Variants in TNS3 observed in about 807,000 individuals in gnomAD.
TNS3 encodes tensin-3.
TNS3 carries 45 observed loss-of-function variants against 140.9 expected under a neutral mutation model. The ratio of observed to expected loss-of-function variants is 0.32; its 90% CI spans 0.25 to 0.41. TNS3 has a LOEUF of 0.41. Ranked by LOEUF, TNS3 falls within the 10% of genes least tolerant of loss-of-function variation. The probability of loss-of-function intolerance (pLI) is 1.00; values close to 1 mark genes in which losing one functional copy is unlikely to be tolerated. For missense variants in TNS3, 1,716 were observed against 1,906.7 expected, an observed-to-expected ratio of 0.90 and a Z score of 1.86; for synonymous variants, 815 against 788.4, an observed-to-expected ratio of 1.03 and a Z score of -0.56.
At chr7:47,405,077 T>C (rs1230180685) in intron 13 of TNS3, among the ~76,000 whole-genome samples, 3 of 152,122 alleles carry the variant, frequency 2.0e-5, no homozygotes, top group African/African-American at 4.8e-5. Context: ...GATGACTTGC[T>C]TAACTTTAGG....
Position 47,338,318 on chromosome 7 carries a change from G to A in TNS3, c.2650+6437C>T, listed in dbSNP as rs76818253. Among the ~76,000 whole-genome samples, 642 of 152,306 alleles carry A rather than the reference G, an allele frequency of 4.2e-3. 4 individuals are homozygous for A. The highest frequency in any genetic ancestry group is 0.014 in the African/African-American group (602 of 41,578). On this transcript the variant is annotated intron_variant, in intron 20 of 30. Transcript: ENST00000311160. ...CCATTTTAACAATCCCTCCAGCAAC[G>A]TATAAGGGGTCTAGTTTTTCCACAT...
rs6966111 is a variant in TNS3, at chr7:47,579,911, A to T, written c.-265+2140T>A. ...GCAACACCTCCTGCAGTGGAAGAGC[A>T]TACTTTGACACCCCCTCTCCTGCCC... is the stretch of plus-strand genomic sequence containing the variant. On this transcript the variant is annotated intron_variant, in intron 1 of 30. Transcript: ENST00000311160. 5.6e-3 allele frequency: 5,001 copies of T among 896,290 alleles called. 94 individuals are homozygous for T. The African/African-American group carries it at 0.06, about 11-fold the overall frequency. The allele number at this position is 896,290 out of a possible 1,614,324, so 55.5% of individuals were successfully genotyped here. A position where few individuals can be genotyped will look rare whatever the true frequency, so the allele number is the denominator to read the frequency against.
chr7:47,476,691 G>A (rs77224513), intron 4 of TNS3, among the ~76,000 whole-genome samples: 10,782 of 152,132 alleles, frequency 0.071, 419 homozygotes, highest in African/African-American at 0.083. Context: ...AATTTCCCAC[G>A]TCGCACATTT....
At chr7:47,399,080 G>GAAAAAAAAAAA (rs55834937) in intron 15 of TNS3, among the ~76,000 whole-genome samples, 2 of 93,602 alleles carry the variant, frequency 2.1e-5, no homozygotes, top group African/African-American at 5.0e-5. Flanking sequence ...TACGACAGCT[G>GAAAAAAAAAAA]AAAAAAAAAA....
At chr7:47,354,169 A>G (rs907294420) in intron 17 of TNS3, among the ~76,000 whole-genome samples, 4 of 152,046 alleles carry the variant, frequency 2.6e-5, no homozygotes, top group African/African-American at 9.7e-5. Context: ...ATGCCTATAT[A>G]TTTTTCTGTT....
chr7:47,284,426 C>T (rs1265162823), intron 27 of TNS3, among the ~76,000 whole-genome samples: 3 of 152,220 alleles, frequency 2.0e-5, no homozygotes, highest in Non-Finnish European at 2.9e-5. Context: ...TGTGTCCTGG[C>T]TCCCCATGCT....
chr7:47,473,504 T>A (rs1797043706), intron 4 of TNS3, among the ~76,000 whole-genome samples: 1 of 152,146 alleles, frequency 6.6e-6, no homozygotes, highest in South Asian at 2.1e-4. Context: ...CACGTGTAGG[T>A]GATCTTCAGC....
chr7:47,400,887 AGCGGTAT>A lies in TNS3; in HGVS notation c.744_750del (p.Lys248AsnfsTer47). 2 of 1,614,222 alleles carry A rather than the reference AGCGGTAT, an allele frequency of 1.2e-6. No homozygotes were observed. The highest frequency in any genetic ancestry group is 1.7e-5 in the Admixed American group (1 of 60,028). Reference sequence around the variant, plus strand: ...CGGAAAATGACGTCACGGGTGGCCGAGCGGTATTTCTTGTGGTAGCATTTCACCTGGG... The same window carrying A: ...CGGAAAATGACGTCACGGGTGGCCGATTCTTGTGGTAGCATTTCACCTGGG... On this transcript the variant is annotated frameshift_variant, in exon 14 of 31. Transcript: ENST00000311160. LOFTEE classifies it high-confidence loss of function.
At position 47,275,645 on chromosome 7, in the gene TNS3, T is replaced by G. The variant is rs1316967632; in HGVS notation, c.*2431A>C. The G allele has an allele frequency of 1.1e-5, 4 of 374,200 alleles. No homozygotes were observed. The highest frequency in any genetic ancestry group is 8.4e-5 in the African/African-American group (4 of 47,374). The allele number at this position is 374,200 out of a possible 1,614,324, so 23.2% of individuals were successfully genotyped here. A position where few individuals can be genotyped will look rare whatever the true frequency, so the allele number is the denominator to read the frequency against. ...CAGCTTGTTCTGTTTAATGCACATG[T>G]AACACAAAAGGAAGAAAGAAACTTC... On this transcript the variant is annotated 3_prime_UTR_variant, in exon 31 of 31. Transcript: ENST00000311160.
At chr7:47,459,164 T>C (rs923341968) in intron 4 of TNS3, among the ~76,000 whole-genome samples, 2 of 152,214 alleles carry the variant, frequency 1.3e-5, no homozygotes, top group Admixed American at 1.3e-4. Context: ...CCCACTCTTA[T>C]GAATGATGCT....
intron 1 of TNS3, among the ~76,000 whole-genome samples, chr7:47,569,745 T>C (rs1178331205): frequency 2.6e-5 from 4 of 151,524 alleles, no homozygotes; most frequent in African/African-American, 7.3e-5. Context: ...TCCCAGCTAC[T>C]TGGGAGGCTG....
intron 13 of TNS3, among the ~76,000 whole-genome samples, chr7:47,404,653 G>A (rs13225337): frequency 0.4 from 60,825 of 151,780 alleles, 13,811 homozygotes; most frequent in Middle Eastern, 0.54. Flanking sequence ...TTGGGAGGCC[G>A]AGGCAGGCGG....
chr7:47,443,607 C>T (rs752207595), intron 4 of TNS3, among the ~76,000 whole-genome samples: 2 of 152,156 alleles, frequency 1.3e-5, no homozygotes. Flanking sequence ...CAGAGGACAA[C>T]TTGTCAGTGT....
At chr7:47,547,759 C>T (rs1252943077) in intron 1 of TNS3, among the ~76,000 whole-genome samples, 2 of 152,222 alleles carry the variant, frequency 1.3e-5, no homozygotes, top group African/African-American at 2.4e-5. Context: ...GCAACACGCA[C>T]AGGAGCTAAA....
At chr7:47,440,161 A>G (rs1481187299) in intron 5 of TNS3, among the ~76,000 whole-genome samples, 1 of 152,024 alleles carries the variant, frequency 6.6e-6, no homozygotes, top group African/African-American at 2.4e-5. Context: ...TCGTGTCCGT[A>G]TGCGGCATCC....
chr7:47,505,211 C>T (rs566149044), intron 3 of TNS3, among the ~76,000 whole-genome samples: 1 of 152,270 alleles, frequency 6.6e-6, no homozygotes, highest in East Asian at 1.9e-4. Flanking sequence ...CATCCCAGTC[C>T]TCCTAGGGGA....
intron 2 of TNS3, among the ~76,000 whole-genome samples, chr7:47,520,962 G>A (rs1255486929): frequency 6.6e-6 from 1 of 152,196 alleles, no homozygotes; most frequent in Non-Finnish European, 1.5e-5. Flanking sequence ...GAGAAGAGCG[G>A]ATCAATGAGC....
chr7:47,533,123 A>ATATATTTTTTTTT (rs1186427934), intron 1 of TNS3, among the ~76,000 whole-genome samples: 4 of 88,828 alleles, frequency 4.5e-5, no homozygotes, highest in African/African-American at 2.5e-4. Flanking sequence ...ATATATATAT[A>ATATATTTTTTTTT]TTTTTTTTTT....
chr7:47,356,097 A>G (rs992516017), intron 17 of TNS3, among the ~76,000 whole-genome samples: 1 of 152,182 alleles, frequency 6.6e-6, no homozygotes, highest in Non-Finnish European at 1.5e-5. Context: ...ATTCCACAGC[A>G]GGGTCACAAA....
Sources: allele counts gnomAD v4.1 joint callset (sites outside exome capture counted in the v4.1 genomes callset), GRCh38; gene constraint gnomAD v4.1.1; transcripts MANE v1.5; gene names NCBI Gene and HGNC (gene_info 2026-07-23, HGNC 2026-07-21).